Variants in TBCK observed in about 807,000 individuals in gnomAD.
TBCK encodes TBC1 domain containing kinase, also known as TBC domain-containing protein kinase-like protein.
Under a neutral mutation model 113.4 loss-of-function variants are expected in TBCK, and 99 were observed. That is an observed-to-expected ratio of 0.87 (90% CI 0.74 to 1.03). TBCK has a LOEUF of 1.03. TBCK is among the 50% of genes least tolerant of loss of function. TBCK has a pLI of 0.00. For missense variants in TBCK, 1,045 were observed against 1,061.3 expected (o/e 0.98, Z 0.21); for synonymous variants, 369 against 370.8 (o/e 1.00, Z 0.05).
chr4:106,286,272 AT>A (rs1281152554), intron 3 of TBCK, among the ~76,000 whole-genome samples: 1 of 152,222 alleles, frequency 6.6e-6, no homozygotes, highest in African/African-American at 2.4e-5. Flanking sequence ...TAAATTTTGC[AT>A]TTAATCCTAC....
At chr4:106,301,665 A>T (rs542969579) in intron 2 of TBCK, among the ~76,000 whole-genome samples, 2 of 152,312 alleles carry the variant, frequency 1.3e-5, no homozygotes, top group South Asian at 2.1e-4. Flanking sequence ...AGCTAACATA[A>T]CATGTGAAAA....
At chr4:106,242,155 C>G (rs868433625) in intron 12 of TBCK, among the ~76,000 whole-genome samples, 2 of 151,980 alleles carry the variant, frequency 1.3e-5, no homozygotes, top group Non-Finnish European at 2.9e-5. Context: ...ATTAGTATTA[C>G]AGCAAAATAC....
Position 106,194,652 on chromosome 4 carries a change from T to C in TBCK, c.1897+66A>G, listed in dbSNP as rs568776740. The C allele has an allele frequency of 4.4e-5, 53 of 1,197,738 alleles. 1 individual carries two copies. The South Asian group carries it at 4.4e-4, about 10-fold the overall frequency. 74.2% of individuals were successfully genotyped at this position (1,197,738 alleles called of 1,614,324 possible). Reference sequence around the variant, plus strand: ...TCAATGTTATTGTAAATATAAAATATGGGGAGGCATCGGGCTGTCCTTTTG... The same window carrying C: ...TCAATGTTATTGTAAATATAAAATACGGGGAGGCATCGGGCTGTCCTTTTG... On this transcript the variant is annotated intron_variant, in intron 21 of 25. Transcript: ENST00000394708.
At chr4:106,109,942 C>T (rs559468265) in intron 24 of TBCK, among the ~76,000 whole-genome samples, 65 of 152,288 alleles carry the variant, frequency 4.3e-4, no homozygotes, top group African/African-American at 6.3e-4. Flanking sequence ...TGGCTGAAGG[C>T]AGCCAAACCC....
chr4:106,108,053 C>A (rs1198482190), intron 24 of TBCK, among the ~76,000 whole-genome samples: 1 of 151,956 alleles, frequency 6.6e-6, no homozygotes, highest in Non-Finnish European at 1.5e-5. Flanking sequence ...AAGACTGAGC[C>A]AGAAAGAAAC....
intron 3 of TBCK, among the ~76,000 whole-genome samples, chr4:106,287,327 T>A (rs560099336): frequency 6.6e-6 from 1 of 152,328 alleles, no homozygotes; most frequent in South Asian, 2.1e-4. Context: ...GAATTCCAGA[T>A]ATTTTTCAGT....
At position 106,231,714 on chromosome 4, in the gene TBCK, G is replaced by A. The variant is rs2149992618; in HGVS notation, c.1690+15C>T. On this transcript the variant is annotated intron_variant, in intron 18 of 25. Coordinates refer to ENST00000394708, the MANE Select transcript of TBCK (RefSeq NM_001163435.3). ...TATTATGCGCAATGATTATTTAAAT[G>A]TTAAAGAGGCTTACCTTCATTATTG... 2 of 1,598,774 alleles carry A rather than the reference G, an allele frequency of 1.3e-6. No individual in the cohort carries two copies. The highest frequency in any genetic ancestry group is 1.7e-4 in the Middle Eastern group (1 of 5,912).
At chr4:106,174,568 T>C (rs969411721) in intron 22 of TBCK, among the ~76,000 whole-genome samples, 3 of 152,156 alleles carry the variant, frequency 2.0e-5, no homozygotes, top group African/African-American at 7.2e-5. Flanking sequence ...CTTACGCATA[T>C]ACTTCATTGT....
chr4:106,219,718 A>C (rs1757445030), intron 19 of TBCK, among the ~76,000 whole-genome samples: 1 of 151,000 alleles, frequency 6.6e-6, no homozygotes, highest in Non-Finnish European at 1.5e-5. Context: ...TTTTTTTTTT[A>C]AATATAGACT....
intron 24 of TBCK, among the ~76,000 whole-genome samples, chr4:106,109,950 C>G (rs1184132594): frequency 2.0e-5 from 3 of 152,130 alleles, no homozygotes; most frequent in Non-Finnish European, 4.4e-5. Context: ...GGCAGCCAAA[C>G]CCTCTTATCC....
intron 2 of TBCK, 140 bp downstream of exon 2, chr4:106,308,628 G>T: frequency 1.3e-6 from 1 of 757,680 alleles, no homozygotes; most frequent in Non-Finnish European, 2.1e-6. Context: ...GAGAGGCAGG[G>T]TGGGGGAAAA....
intron 3 of TBCK, among the ~76,000 whole-genome samples, chr4:106,271,751 C>CAAAAAAAAAAAAA (rs749925685): frequency 1.3e-5 from 1 of 77,946 alleles, no homozygotes. Context: ...GACTTTGTCC[C>CAAAAAAAAAAAAA]AAAAAAAAAA....
At chr4:106,223,175 AAAGT>A (rs1757890528) in intron 19 of TBCK, among the ~76,000 whole-genome samples, 1 of 152,180 alleles carries the variant, frequency 6.6e-6, no homozygotes. Context: ...ACATATATTA[AAAGT>A]AATGGAAAAA....
Position 106,262,032 on chromosome 4 carries a change from C to A in TBCK, c.381+66G>T, listed in dbSNP as rs1163664072. ...TTCTATTGTTCCTCTGACTGAGTAG[C>A]CCTGATCCCAGTTGCTTCCAATTTC... On this transcript the variant is annotated intron_variant, in intron 4 of 25. Transcript: ENST00000394708. 1.2e-5 allele frequency: 10 copies of A among 825,142 alleles called. No homozygotes were observed. In the African/African-American group the frequency reaches 1.2e-4, roughly 10 times the overall value. 51.1% of individuals were successfully genotyped at this position (825,142 alleles called of 1,614,324 possible). A position where few individuals can be genotyped will look rare whatever the true frequency, so the allele number is the denominator to read the frequency against.
chr4:106,238,989 G>A (rs1759776967), intron 12 of TBCK, among the ~76,000 whole-genome samples: 1 of 152,082 alleles, frequency 6.6e-6, no homozygotes, highest in African/African-American at 2.4e-5. Flanking sequence ...AGGTTCTCAG[G>A]GTGAAGATCT....
chr4:106,195,129 CT>C, intron 20 of TBCK, among the ~76,000 whole-genome samples: 3 of 152,152 alleles, frequency 2.0e-5, no homozygotes, highest in Non-Finnish European at 4.4e-5. Context: ...CCTCTTCTGG[CT>C]TGGGGGCTGC....
At chr4:106,234,538 G>C (rs369750971) in intron 15 of TBCK, among the ~76,000 whole-genome samples, 1 of 152,048 alleles carries the variant, frequency 6.6e-6, no homozygotes, top group East Asian at 1.9e-4. Flanking sequence ...CGAACTCCTG[G>C]GCTCAAGTAA....
intron 25 of TBCK, among the ~76,000 whole-genome samples, chr4:106,075,058 G>A (rs1452493736): frequency 1.3e-5 from 2 of 152,116 alleles, no homozygotes; most frequent in African/African-American, 4.8e-5. Flanking sequence ...GGGAGGTGGG[G>A]CAAAGAAAAG....
At chr4:106,180,388 T>A (rs942968143) in intron 22 of TBCK, among the ~76,000 whole-genome samples, 5 of 152,002 alleles carry the variant, frequency 3.3e-5, no homozygotes, top group African/African-American at 1.2e-4. Flanking sequence ...TTTTTTTTCC[T>A]CCTTCTTTTT....
Sources: allele counts gnomAD v4.1 joint callset (sites outside exome capture counted in the v4.1 genomes callset), GRCh38; gene constraint gnomAD v4.1.1; transcripts MANE v1.5; gene names NCBI Gene and HGNC (gene_info 2026-07-23, HGNC 2026-07-21).